Variants in FHIT observed in about 807,000 individuals in gnomAD.
FHIT encodes bis(5'-adenosyl)-triphosphatase.
Under a neutral mutation model 17.9 loss-of-function variants are expected in FHIT, and 19 were observed. The ratio of observed to expected loss-of-function variants is 1.06; its 90% CI spans 0.74 to 1.56. The LOEUF (loss-of-function observed/expected upper bound fraction) is 1.56. FHIT is among the 40% of genes most tolerant of loss of function. FHIT has a pLI of 0.00. For synonymous variants in FHIT, 81 were observed against 69.7 expected, an observed-to-expected ratio of 1.16 and a Z score of -0.81; for missense variants, 248 against 189.2, an observed-to-expected ratio of 1.31 and a Z score of -1.82.
chr3:59,864,425 G>C (rs558314179), intron 8 of FHIT, among the ~76,000 whole-genome samples: 2 of 152,264 alleles, frequency 1.3e-5, no homozygotes, highest in South Asian at 4.2e-4. Flanking sequence ...GGACTCCCCA[G>C]CCATGTGGAA....
intron 5 of FHIT, among the ~76,000 whole-genome samples, chr3:60,043,985 C>A (rs2106846029): frequency 6.6e-6 from 1 of 152,264 alleles, no homozygotes; most frequent in East Asian, 1.9e-4. Context: ...TCTACTCGAC[C>A]CTAAAACTGT....
intron 5 of FHIT, among the ~76,000 whole-genome samples, chr3:60,501,812 T>A (rs1282445148): frequency 6.6e-6 from 1 of 152,232 alleles, no homozygotes; most frequent in Non-Finnish European, 1.5e-5. Context: ...ACTGTGTGTT[T>A]TACTTGGAGT....
intron 4 of FHIT, among the ~76,000 whole-genome samples, chr3:60,574,327 A>G (rs2037492178): frequency 6.6e-6 from 1 of 151,438 alleles, no homozygotes; most frequent in African/African-American, 2.4e-5. Context: ...TAGCTCACAA[A>G]TTGTCCCCAG....
At chr3:60,407,477 G>A (rs959170149) in intron 5 of FHIT, among the ~76,000 whole-genome samples, 1 of 152,050 alleles carries the variant, frequency 6.6e-6, no homozygotes, top group Admixed American at 6.6e-5. Context: ...GGCAAGTTTA[G>A]ATAATATTCA....
chr3:60,763,792 T>C (rs542940552), intron 4 of FHIT, among the ~76,000 whole-genome samples: 2 of 152,320 alleles, frequency 1.3e-5, no homozygotes, highest in South Asian at 2.1e-4. Context: ...TTGTCAGGGA[T>C]AACATTTTAA....
chr3:60,207,544 G>A (rs376923711), intron 5 of FHIT, among the ~76,000 whole-genome samples: 1 of 152,080 alleles, frequency 6.6e-6, no homozygotes, highest in African/African-American at 2.4e-5. Flanking sequence ...TGCACTAAGA[G>A]TATAAAGCGA....
At chr3:60,399,863 T>G (rs1466737447) in intron 5 of FHIT, among the ~76,000 whole-genome samples, 2 of 152,156 alleles carry the variant, frequency 1.3e-5, no homozygotes, top group Non-Finnish European at 2.9e-5. Flanking sequence ...TGAGTTAGGC[T>G]AGCTGTCCAT....
chr3:60,383,671 C>A (rs1268398914), intron 5 of FHIT, among the ~76,000 whole-genome samples: 2 of 150,304 alleles, frequency 1.3e-5, no homozygotes, highest in African/African-American at 4.9e-5. Flanking sequence ...AAAAAAAAAT[C>A]ATTTTGTCTT....
At chr3:60,462,760 G>C (rs1412636036) in intron 5 of FHIT, among the ~76,000 whole-genome samples, 1 of 152,138 alleles carries the variant, frequency 6.6e-6, no homozygotes, top group Non-Finnish European at 1.5e-5. Context: ...ATGCTGGACC[G>C]GGCTAAGACA....
intron 4 of FHIT, among the ~76,000 whole-genome samples, chr3:60,802,044 G>GC (rs1701211406): frequency 6.6e-6 from 1 of 152,162 alleles, no homozygotes. Flanking sequence ...GTTTAACAGA[G>GC]CCCAGCAAGG....
At chr3:61,151,190 G>A (rs1412866598) in intron 2 of FHIT, among the ~76,000 whole-genome samples, 3 of 152,094 alleles carry the variant, frequency 2.0e-5, no homozygotes, top group Non-Finnish European at 2.9e-5. Flanking sequence ...GTGGCCTACC[G>A]AAGTGCTTTT....
At chr3:60,001,718 T>G (rs898690077) in intron 7 of FHIT, among the ~76,000 whole-genome samples, 1 of 152,176 alleles carries the variant, frequency 6.6e-6, no homozygotes, top group Non-Finnish European at 1.5e-5. Context: ...AATTATCCCG[T>G]GCTCTGAGTT....
At chr3:59,985,436 A>G (rs1708851909) in intron 7 of FHIT, among the ~76,000 whole-genome samples, 1 of 152,196 alleles carries the variant, frequency 6.6e-6, no homozygotes, top group Non-Finnish European at 1.5e-5. Context: ...GTAACAAACT[A>G]CGTGGTCTAA....
chr3:59,968,205 C>T (rs1465061591), intron 7 of FHIT, among the ~76,000 whole-genome samples: 1 of 152,026 alleles, frequency 6.6e-6, no homozygotes, highest in Non-Finnish European at 1.5e-5. Flanking sequence ...CCACCATTGA[C>T]CTTAACTGAG....
intron 5 of FHIT, among the ~76,000 whole-genome samples, chr3:60,130,984 C>T (rs1206734197): frequency 1.1e-5 from 1 of 90,086 alleles, no homozygotes; most frequent in Non-Finnish European, 2.6e-5. Context: ...TATATATACA[C>T]ATATATACAC....
intron 5 of FHIT, among the ~76,000 whole-genome samples, chr3:60,023,989 G>T (rs1700646249): frequency 9.9e-6 from 1 of 101,398 alleles, no homozygotes; most frequent in South Asian, 3.7e-4. Context: ...TATACTTCAT[G>T]GTAAAAAAAA....
intron 3 of FHIT, among the ~76,000 whole-genome samples, chr3:61,035,931 G>C (rs770509704): frequency 5.3e-5 from 8 of 152,164 alleles, no homozygotes; most frequent in Non-Finnish European, 8.8e-5. Flanking sequence ...TCTCTGATGT[G>C]AAAGGGCAAA....
chr3:61,119,047 G>T (rs1411608130), intron 2 of FHIT, among the ~76,000 whole-genome samples: 1 of 152,048 alleles, frequency 6.6e-6, no homozygotes, highest in African/African-American at 2.4e-5. Context: ...GCCCCTTAGA[G>T]GTCACTGAAG....
intron 1 of FHIT, among the ~76,000 whole-genome samples, chr3:61,238,198 A>C (rs1329934691): frequency 6.6e-6 from 1 of 152,232 alleles, no homozygotes; most frequent in Non-Finnish European, 1.5e-5. Flanking sequence ...ACGGGAGGCT[A>C]TGCAAATTCA....
Sources: gnomAD v4.1 joint callset for allele counts (sites outside exome capture counted in the v4.1 genomes callset) on GRCh38, gnomAD v4.1.1 for gene constraint, MANE v1.5 for transcripts, NCBI Gene and HGNC (gene_info 2026-07-23, HGNC 2026-07-21) for gene names.